Variants in KCNN2 observed in about 807,000 individuals in gnomAD.
The protein encoded by KCNN2 is potassium calcium-activated channel subfamily N member 2.
KCNN2 carries 24 observed loss-of-function variants against 55.5 expected under a neutral mutation model. The ratio of observed to expected loss-of-function variants is 0.43; its 90% CI spans 0.31 to 0.61. The LOEUF is 0.61. Ranked by LOEUF, KCNN2 falls within the 20% of genes least tolerant of loss-of-function variation. KCNN2 has a pLI of 0.08. For missense variants in KCNN2, 754 were observed against 853.6 expected (o/e 0.88, Z 1.45); for synonymous variants, 431 against 336.1 (o/e 1.28, Z -3.09).
intron 1 of KCNN2, among the ~76,000 whole-genome samples, chr5:114,146,939 A>G (rs1209951616): frequency 1.3e-5 from 2 of 152,194 alleles, no homozygotes; most frequent in Non-Finnish European, 2.9e-5. Flanking sequence ...AGAACAAGGA[A>G]AACAGATTAG....
intron 1 of KCNN2, among the ~76,000 whole-genome samples, chr5:114,077,003 T>C (rs1314771780): frequency 2.0e-5 from 3 of 152,190 alleles, no homozygotes; most frequent in Non-Finnish European, 4.4e-5. Flanking sequence ...CCAAGAACTT[T>C]TTAATAGTGA....
chr5:114,454,955 C>G (rs1760855617), intron 3 of KCNN2, among the ~76,000 whole-genome samples: 1 of 152,176 alleles, frequency 6.6e-6, no homozygotes, highest in South Asian at 2.1e-4. Flanking sequence ...ATGTAAATCT[C>G]TCCTGTTGCT....
chr5:114,443,874 G>C (rs1760305435), intron 3 of KCNN2, among the ~76,000 whole-genome samples: 1 of 152,198 alleles, frequency 6.6e-6, no homozygotes, highest in Non-Finnish European at 1.5e-5. Context: ...TCATGTGGCT[G>C]GTGATAAGAA....
At chr5:114,454,402 G>A (rs1206632161) in intron 3 of KCNN2, among the ~76,000 whole-genome samples, 3 of 152,064 alleles carry the variant, frequency 2.0e-5, no homozygotes, top group African/African-American at 7.3e-5. Flanking sequence ...TTGGAAGCTC[G>A]GTAAGGGTAA....
At chr5:114,350,670 T>C (rs987456414) in intron 2 of KCNN2, among the ~76,000 whole-genome samples, 1 of 151,928 alleles carries the variant, frequency 6.6e-6, no homozygotes, top group African/African-American at 2.4e-5. Flanking sequence ...TGTTTTTGCA[T>C]GTGAATATCC....
chr5:114,193,892 C>T (rs1054172492), intron 1 of KCNN2, among the ~76,000 whole-genome samples: 6 of 152,092 alleles, frequency 3.9e-5, no homozygotes, highest in African/African-American at 1.4e-4. Flanking sequence ...ATATAATTCA[C>T]ATGCTGTACA....
At chr5:114,470,443 G>T (rs1044885279) in intron 4 of KCNN2, among the ~76,000 whole-genome samples, 13 of 152,138 alleles carry the variant, frequency 8.5e-5, no homozygotes, top group Non-Finnish European at 1.8e-4. Flanking sequence ...GCTAGCCTGT[G>T]TTTGTCGAGC....
intron 2 of KCNN2, among the ~76,000 whole-genome samples, chr5:114,373,640 TTA>T (rs61356539): frequency 0.012 from 663 of 56,676 alleles, 146 homozygotes; most frequent in East Asian, 0.067. Context: ...TATGAAGATT[TTA>T]TATATATATA....
rs1431277268 is a variant in KCNN2 at position 114,254,206 on chromosome 5, AC to A, written c.-185+32642del. On this transcript the variant is annotated intron_variant, in intron 2 of 10. Transcript: ENST00000512097. ...AGAAGAGGCTCTGTATTAATGAAAAACAATACGAAAAGATAGAAAATATAAA... is the reference window on the plus strand; with the variant it reads ...AGAAGAGGCTCTGTATTAATGAAAAAAATACGAAAAGATAGAAAATATAAA... Among the ~76,000 whole-genome samples, 13 of 152,202 alleles carry A rather than the reference AC, an allele frequency of 8.5e-5. No homozygotes were observed. In the East Asian group the frequency reaches 2.5e-3, roughly 29 times the overall value.
chr5:114,275,807 G>GT (rs550634700), intron 2 of KCNN2, among the ~76,000 whole-genome samples: 26 of 152,024 alleles, frequency 1.7e-4, no homozygotes, highest in African/African-American at 5.8e-4. Flanking sequence ...TTTTTGAAGG[G>GT]TTTTTTGTGT....
chr5:114,143,645 C>G (rs183093149), intron 1 of KCNN2, among the ~76,000 whole-genome samples: 2,197 of 152,232 alleles, frequency 0.014, 46 homozygotes, highest in African/African-American at 0.049. Context: ...GTGAAACCTC[C>G]GTGACTGCAC....
chr5:114,256,874 C>T (rs1754993147), intron 2 of KCNN2, among the ~76,000 whole-genome samples: 1 of 151,930 alleles, frequency 6.6e-6, no homozygotes, highest in Non-Finnish European at 1.5e-5. Flanking sequence ...TAATTAAGTC[C>T]CATTTGTCTA....
In KCNN2 at chr5:114,223,120, A is replaced by T. The variant is rs564563739; in HGVS notation, c.-185+1555A>T. Among the ~76,000 whole-genome samples the T allele has an allele frequency of 6.2e-4, 94 of 152,320 alleles. 2 individuals carry two copies. In the Middle Eastern group the frequency reaches 0.014, roughly 22 times the overall value. ...TTGCACTACATGTTTAAAAGAAGAT[A>T]TATAATTTAGGTCAAGAGTTAAAGA... On this transcript the variant is annotated intron_variant, in intron 2 of 10. Transcript: ENST00000512097.
At chr5:114,206,355 A>C (rs1239183914) in intron 1 of KCNN2, among the ~76,000 whole-genome samples, 2 of 151,988 alleles carry the variant, frequency 1.3e-5, no homozygotes, top group Admixed American at 1.3e-4. Context: ...GAGTGTTTCC[A>C]TTTGCTAGTT....
intron 2 of KCNN2, among the ~76,000 whole-genome samples, chr5:114,355,199 G>T (rs1757275456): frequency 6.6e-6 from 1 of 152,152 alleles, no homozygotes; most frequent in African/African-American, 2.4e-5. Flanking sequence ...AAGAGTAGTA[G>T]ATTTTCTGAG....
chr5:114,269,748 T>G (rs914841921), intron 2 of KCNN2, among the ~76,000 whole-genome samples: 2 of 152,174 alleles, frequency 1.3e-5, no homozygotes, highest in African/African-American at 4.8e-5. Context: ...GATGCTGAAA[T>G]AGAGACAAAG....
In KCNN2 at chr5:114,156,554, T is replaced by C. The variant is rs1752639567; in HGVS notation, c.-270-64926T>C. 2.0e-5 allele frequency among the ~76,000 whole-genome samples: 3 copies of C among 152,144 alleles called. No homozygotes were observed. In the South Asian group the frequency reaches 6.2e-4, roughly 31 times the overall value. On this transcript the variant is annotated intron_variant, in intron 1 of 10. Coordinates refer to the KCNN2 transcript ENST00000512097. ...CCATTTGTTGGTGTCATTCCTGATT[T>C]CTTGGAGCAGTGGTTTGTAGTTCTC...
rs1034879846 is a variant in KCNN2, at chr5:114,166,802, G to C, written c.-270-54678G>C. 2.0e-5 allele frequency among the ~76,000 whole-genome samples: 3 copies of C among 152,086 alleles called. No homozygotes were observed. The South Asian group carries it at 6.2e-4, about 32-fold the overall frequency. ...ATTAGGGGGGTAGGGCCTTTTGGAG[G>C]TGATTAGATCATGAAGGTGGAACCC... On this transcript the variant is annotated intron_variant, in intron 1 of 10. Transcript: ENST00000512097.
At chr5:114,328,426 C>A (rs1158510658) in intron 2 of KCNN2, among the ~76,000 whole-genome samples, 2 of 152,124 alleles carry the variant, frequency 1.3e-5, no homozygotes, top group African/African-American at 4.8e-5. Context: ...ACTGCCCACC[C>A]CCATCCCCAC....
Sources: gnomAD v4.1 joint callset for allele counts (sites outside exome capture counted in the v4.1 genomes callset) on GRCh38, gnomAD v4.1.1 for gene constraint, MANE v1.5 for transcripts, NCBI Gene and HGNC (gene_info 2026-07-23, HGNC 2026-07-21) for gene names.